The following MED17 variants were observed in gnomAD, a reference collection of about 807,000 sequenced individuals.
MED17 encodes the protein mediator complex subunit 17.
MED17 carries 49 observed loss-of-function variants against 80.8 expected under a neutral mutation model. The ratio of observed to expected loss-of-function variants is 0.61; its 90% confidence interval spans 0.48 to 0.77. The LOEUF (loss-of-function observed/expected upper bound fraction) is 0.77. Among genes scored for constraint, MED17 ranks in the 30% least tolerant of loss-of-function variants. The pLI is 0.00. For synonymous variants in MED17, 281 were observed against 280.4 expected, an observed-to-expected ratio of 1.00 and a Z score of -0.02; for missense variants, 718 against 787.0, an observed-to-expected ratio of 0.91 and a Z score of 1.05.
intron 1 of MED17, among the ~76,000 whole-genome samples, chr11:93,786,927 G>A (rs932189054): frequency 1.3e-5 from 2 of 152,078 alleles, no homozygotes; most frequent in Non-Finnish European, 2.9e-5. Context: ...CTACATGTCC[G>A]TTAAATACAA....
Position 93,797,623 on chromosome 11 carries a change from A to G in MED17, c.1232A>G (p.Gln411Arg). ...GHKRMRLSGP[Q>R]AFDKNEINSL... ...AAGAGAATGAGACTTTCGGGTCCTC[A>G]AGCTTTTGATAAAAATGAAATTAAT... Residue 411 changes from glutamine (Q) to arginine (R), a missense_variant, in exon 8 of 12, where the codon CAA becomes CGA. Coordinates refer to ENST00000251871, the MANE Select transcript of MED17 (RefSeq NM_004268.5). 1.2e-6 allele frequency: 2 copies of G among 1,614,070 alleles called. No individual in the cohort carries two copies. The highest frequency in any genetic ancestry group is 1.7e-6 in the Non-Finnish European group (2 of 1,179,928).
chr11:93,809,840 A>G lies in MED17; in HGVS notation c.1708A>G (p.Thr570Ala), dbSNP rs762691540. Residue 570 changes from threonine to alanine, a missense_variant, in exon 11 of 12, where the codon ACG (threonine) becomes GCG (alanine). Thr to Ala is a moderately conservative substitution (Grantham distance 58, BLOSUM62 0). Transcript: ENST00000251871. Reference protein sequence around the residue: ...IESIGNASAITVASPSGDYAI... With the variant: ...IESIGNASAIAVASPSGDYAI... ...GAGCATTGGTAATGCATCTGCCATCACGGTGGCCTCCCCAAGTGGTGACTA... is the reference window on the plus strand; with the variant it reads ...GAGCATTGGTAATGCATCTGCCATCGCGGTGGCCTCCCCAAGTGGTGACTA... The G allele has an allele frequency of 1.2e-6, 2 of 1,614,178 alleles. No individual in the cohort carries two copies. The highest frequency in any genetic ancestry group is 1.7e-6 in the Non-Finnish European group (2 of 1,180,032).
At chr11:93,810,881 A>G (rs1944080079) in intron 11 of MED17, 1 of 152,254 alleles carries the variant, frequency 6.6e-6, no homozygotes, top group South Asian at 2.1e-4. Flanking sequence ...GTTCTGAGAA[A>G]TGTGTTGTTA....
chr11:93,798,716 G>A (rs541362625), intron 8 of MED17, among the ~76,000 whole-genome samples: 17 of 152,184 alleles, frequency 1.1e-4, no homozygotes, highest in Admixed American at 3.9e-4. Flanking sequence ...ACTTATTCCC[G>A]TCAATAGCAG....
Position 93,794,913 on chromosome 11 carries a change from C to A in MED17, c.865C>A (p.Pro289Thr), listed in dbSNP as rs200139509. The A allele has an allele frequency of 2.2e-5, 35 of 1,613,970 alleles. No homozygotes were observed. Among genetic ancestry groups the A allele is most frequent in the Non-Finnish European group, 8.5e-7 (1 of 1,179,988 alleles). ...ATATATTTCTTGTCTTTCAGGTTCCCCACATTGGCAGACAAAATTAGAAGC... is the reference window on the plus strand; with the variant it reads ...ATATATTTCTTGTCTTTCAGGTTCCACACATTGGCAGACAAAATTAGAAGC... ...RPLPKSKPGS[P>T]HWQTKLEAAQ... is the part of the protein sequence containing the mutation. The change falls in exon 6 of 12, where the codon CCA becomes ACA. Residue 289 changes from proline (P) to threonine (T), a missense_variant. Coordinates refer to ENST00000251871, the MANE Select transcript of MED17 (RefSeq NM_004268.5).
intron 7 of MED17, 112 bp from the exon 8 acceptor site, chr11:93,797,423 A>T: frequency 9.5e-7 from 1 of 1,054,888 alleles, no homozygotes; most frequent in East Asian, 2.4e-5. Flanking sequence ...GATTGTTTTC[A>T]TATGTGGTTC....
intron 5 of MED17, chr11:93,794,496 C>A: frequency 4.0e-6 from 1 of 252,870 alleles, no homozygotes; most frequent in Non-Finnish European, 7.6e-6. Context: ...GAGCCACCAG[C>A]ACCTTTTTTT....
chr11:93,811,455 G>T, intron 11 of MED17: 1 of 213,918 alleles, frequency 4.7e-6, no homozygotes, highest in Non-Finnish European at 9.4e-6. Flanking sequence ...AGGATTGCTT[G>T]AGCCCAGGAG....
chr11:93,784,363 G>C lies in MED17; in HGVS notation c.-151G>C, dbSNP rs1002300576. ...TGCTGGGCCAGCTCCTTTGTTTCCA[G>C]TCTGAGCGTTGCGTTCGGTTTCCCG... On this transcript the variant is annotated 5_prime_UTR_variant, in exon 1 of 12. Transcript: ENST00000251871. 9.9e-7 allele frequency: 1 copy of C among 1,010,612 alleles called. No individual in the cohort carries two copies. Among genetic ancestry groups the C allele is most frequent in the Non-Finnish European group, 1.4e-6 (1 of 713,326 alleles). The allele number at this position is 1,010,612 out of a possible 1,614,324, so 62.6% of individuals were successfully genotyped here. A position where few individuals can be genotyped will look rare whatever the true frequency, so the allele number is the denominator to read the frequency against.
intron 8 of MED17, 100 bp from the exon 9 acceptor site, chr11:93,801,735 G>A: frequency 8.6e-7 from 1 of 1,157,232 alleles, no homozygotes; most frequent in Non-Finnish European, 1.3e-6. Context: ...GTTTAAAAAA[G>A]TAGTTAGTTT....
At position 93,809,870 on chromosome 11, in the gene MED17, AT is replaced by A. The variant is rs1944068796; in HGVS notation, c.1741del (p.Ser581GlnfsTer126). ...GGCCTCCCCAAGTGGTGACTATGCTATTTCAGGTACTTTCTGCTGCTTTGAA... is the reference window on the plus strand; with the variant it reads ...GGCCTCCCCAAGTGGTGACTATGCTATTCAGGTACTTTCTGCTGCTTTGAA... The part of the protein sequence containing the change: ...TVASPSGDYA[I>X]SVRNGPESGS... On this transcript the variant is annotated frameshift_variant, in exon 11 of 12. Transcript: ENST00000251871. LOFTEE classifies it high-confidence loss of function. 1 of 1,614,140 alleles carries A rather than the reference AT, an allele frequency of 6.2e-7. No individual in the cohort carries two copies. Among genetic ancestry groups the A allele is most frequent in the Non-Finnish European group, 8.5e-7 (1 of 1,180,006 alleles).
chr11:93,792,216 A>C (rs1943844671), intron 3 of MED17, among the ~76,000 whole-genome samples: 1 of 152,182 alleles, frequency 6.6e-6, no homozygotes, highest in Non-Finnish European at 1.5e-5. Flanking sequence ...TTGCCAGAGT[A>C]AGCTATCATT....
chr11:93,812,267 G>GTATA lies in MED17; in HGVS notation c.*206_*209dup. 1.6e-6 allele frequency: 1 copy of GTATA among 611,674 alleles called. No homozygotes were observed. The highest frequency in any genetic ancestry group is 2.7e-5 in the East Asian group (1 of 36,560). The allele number at this position is 611,674 out of a possible 1,614,324, so 37.9% of individuals were successfully genotyped here. A position where few individuals can be genotyped will look rare whatever the true frequency, so the allele number is the denominator to read the frequency against. On this transcript the variant is annotated 3_prime_UTR_variant, in exon 12 of 12. Transcript: ENST00000251871. Reference sequence around the variant, plus strand: ...GAAATGCAGAAGTTTATGTACAGTTGTATATACAGTATGACAAGATGTAAA... The same window carrying GTATA: ...GAAATGCAGAAGTTTATGTACAGTTGTATATATATACAGTATGACAAGATGTAAA...
intron 9 of MED17, among the ~76,000 whole-genome samples, chr11:93,803,999 G>A (rs370974469): frequency 0.04 from 1,060 of 26,732 alleles, 26 homozygotes; most frequent in East Asian, 0.22. Flanking sequence ...ATATGTGTGT[G>A]TATATATATA....
intron 9 of MED17, among the ~76,000 whole-genome samples, chr11:93,805,823 G>A (rs1390147826): frequency 2.6e-5 from 4 of 151,942 alleles, no homozygotes; most frequent in Non-Finnish European, 5.9e-5. Context: ...CTTAAGCCAG[G>A]CATGGTTGCA....
intron 9 of MED17, chr11:93,806,348 C>T (rs1179540311): frequency 6.6e-6 from 1 of 152,070 alleles, no homozygotes; most frequent in Admixed American, 6.6e-5. Flanking sequence ...TAAAACAAAG[C>T]TAGAAGGAAG....
intron 7 of MED17, chr11:93,797,236 G>T: frequency 2.9e-6 from 1 of 340,856 alleles, no homozygotes. Flanking sequence ...TCAAAAGCAT[G>T]ATTGGGCTTT....
At chr11:93,785,871 G>A (rs997209569) in intron 1 of MED17, among the ~76,000 whole-genome samples, 5 of 152,092 alleles carry the variant, frequency 3.3e-5, no homozygotes, top group African/African-American at 1.2e-4. Flanking sequence ...GGGCGTGGTG[G>A]TGCACGTCTG....
intron 9 of MED17, chr11:93,806,086 A>T (rs935184458): frequency 6.8e-6 from 1 of 146,536 alleles, no homozygotes. Context: ...GGTTCAAGCA[A>T]TTCTGCCTCA....
Sources: allele counts gnomAD v4.1 joint callset (sites outside exome capture counted in the v4.1 genomes callset), GRCh38; gene constraint gnomAD v4.1.1; transcripts MANE v1.5; gene names NCBI Gene and HGNC (gene_info 2026-07-23, HGNC 2026-07-21).